The following AUTS2 variants were observed in gnomAD, a reference collection of about 807,000 sequenced individuals.
AUTS2 encodes the protein autism susceptibility gene 2 protein.
Under a neutral mutation model 112.4 loss-of-function variants are expected in AUTS2, and 17 were observed. The ratio of observed to expected loss-of-function variants is 0.15; its 90% CI spans 0.10 to 0.23. The LOEUF (loss-of-function observed/expected upper bound fraction) is 0.23. Among genes scored for constraint, AUTS2 ranks in the 10% least tolerant of loss-of-function variants. AUTS2 has a pLI of 1.00. For synonymous variants in AUTS2, 751 were observed against 702.7 expected (o/e 1.07, Z -1.09); for missense variants, 1,510 against 1,701.6 (o/e 0.89, Z 1.98).
intron 1 of AUTS2, among the ~76,000 whole-genome samples, chr7:69,884,270 T>A (rs1222371714): frequency 6.6e-6 from 1 of 152,208 alleles, no homozygotes; most frequent in African/African-American, 2.4e-5. Flanking sequence ...TCTTAAAAAA[T>A]GAGAGGACAT....
chr7:70,038,240 G>C (rs1379625118), intron 2 of AUTS2, among the ~76,000 whole-genome samples: 1 of 152,032 alleles, frequency 6.6e-6, no homozygotes, highest in Non-Finnish European at 1.5e-5. Flanking sequence ...CAAAGTACCT[G>C]GGAACTTTCT....
At chr7:69,640,127 T>C (rs922096140) in intron 1 of AUTS2, among the ~76,000 whole-genome samples, 2 of 152,036 alleles carry the variant, frequency 1.3e-5, no homozygotes, top group Non-Finnish European at 2.9e-5. Context: ...TAACCAAACA[T>C]GTATTGCTGA....
At chr7:70,712,291 G>A (rs560307677) in intron 6 of AUTS2, among the ~76,000 whole-genome samples, 6 of 121,328 alleles carry the variant, frequency 4.9e-5, no homozygotes, top group Admixed American at 1.1e-4. Context: ...AAAATGAACC[G>A]CCCACCTCAG....
chr7:69,771,760 C>T (rs1011381478), intron 1 of AUTS2, among the ~76,000 whole-genome samples: 2 of 150,278 alleles, frequency 1.3e-5, no homozygotes, highest in African/African-American at 4.9e-5. Flanking sequence ...TCGGTTCAGT[C>T]TCATACCTGC....
intron 5 of AUTS2, among the ~76,000 whole-genome samples, chr7:70,513,208 A>C (rs565289295): frequency 6.6e-6 from 1 of 152,264 alleles, no homozygotes; most frequent in Non-Finnish European, 1.5e-5. Flanking sequence ...GTAACACAAC[A>C]TAGAGGAAAC....
rs186836960 is a variant in AUTS2 at position 70,614,748 on chromosome 7, A to G, written c.691-83821A>G. On this transcript the variant is annotated intron_variant, in intron 5 of 18. Transcript: ENST00000342771. ...CTCTCCTCGGGGAGCACGGCAGCAG[A>G]ACTGAACAAAGTCACTGGTAATCTG... is the stretch of plus-strand genomic sequence containing the variant. 1.1e-3 allele frequency among the ~76,000 whole-genome samples: 170 copies of G among 152,306 alleles called. 1 individual carries two copies. The highest frequency in any genetic ancestry group is 3.6e-3 in the African/African-American group (149 of 41,572).
intron 5 of AUTS2, among the ~76,000 whole-genome samples, chr7:70,533,990 G>A (rs11768800): frequency 0.24 from 36,652 of 152,192 alleles, 4,516 homozygotes; most frequent in Middle Eastern, 0.36. Flanking sequence ...GTAGTGAATG[G>A]CAATGAGTAA....
intron 1 of AUTS2, among the ~76,000 whole-genome samples, chr7:69,683,971 C>T (rs1796939778): frequency 6.6e-6 from 1 of 152,032 alleles, no homozygotes; most frequent in African/African-American, 2.4e-5. Flanking sequence ...TAATGGCGGA[C>T]ATAATGGAAC....
intron 2 of AUTS2, among the ~76,000 whole-genome samples, chr7:69,943,772 A>T (rs1796710690): frequency 6.6e-6 from 1 of 152,204 alleles, no homozygotes; most frequent in Non-Finnish European, 1.5e-5. Context: ...ATAGAAAATA[A>T]TGCAAAGGGA....
chr7:70,097,050 A>G (rs563876454), intron 2 of AUTS2, among the ~76,000 whole-genome samples: 1 of 152,358 alleles, frequency 6.6e-6, no homozygotes, highest in Admixed American at 6.5e-5. Flanking sequence ...ATGCATTTTC[A>G]ATGACACCTT....
chr7:70,088,472 A>G (rs1584702747), intron 2 of AUTS2, among the ~76,000 whole-genome samples: 2 of 141,390 alleles, frequency 1.4e-5, no homozygotes, highest in Admixed American at 1.4e-4. Context: ...TTTCTATTTT[A>G]TTTGGTTTCT....
chr7:69,705,393 A>G (rs1253742639), intron 1 of AUTS2, among the ~76,000 whole-genome samples: 1 of 152,204 alleles, frequency 6.6e-6, no homozygotes, highest in Non-Finnish European at 1.5e-5. Context: ...TAGGCGGTTT[A>G]TAAGTATTAT....
intron 4 of AUTS2, among the ~76,000 whole-genome samples, chr7:70,347,622 G>A (rs965140550): frequency 6.6e-6 from 1 of 152,172 alleles, no homozygotes; most frequent in Non-Finnish European, 1.5e-5. Flanking sequence ...TAGATGCCCT[G>A]CAACAGAGAT....
intron 4 of AUTS2, among the ~76,000 whole-genome samples, chr7:70,232,643 T>C (rs1812117647): frequency 6.6e-6 from 1 of 152,130 alleles, no homozygotes; most frequent in Non-Finnish European, 1.5e-5. Flanking sequence ...CCTCTCAAAG[T>C]GTTGAGGATT....
chr7:70,786,803 G>A (rs934006558), intron 17 of AUTS2: 4 of 312,650 alleles, frequency 1.3e-5, no homozygotes, highest in East Asian at 9.6e-5. Flanking sequence ...AGAGGGCCAC[G>A]GTGGGTAGAG....
chr7:70,128,836 G>A (rs922073984), intron 3 of AUTS2, among the ~76,000 whole-genome samples: 7 of 152,162 alleles, frequency 4.6e-5, no homozygotes, highest in African/African-American at 1.7e-4. Context: ...AGGCTCTAGG[G>A]AAGAATCCTT....
At chr7:70,762,550 G>T (rs1319669174) in intron 6 of AUTS2, among the ~76,000 whole-genome samples, 3 of 152,068 alleles carry the variant, frequency 2.0e-5, no homozygotes, top group African/African-American at 7.2e-5. Flanking sequence ...TTACAGGTGT[G>T]AGCCCCTATG....
intron 5 of AUTS2, among the ~76,000 whole-genome samples, chr7:70,603,579 G>T (rs1253106865): frequency 6.6e-6 from 1 of 152,196 alleles, no homozygotes; most frequent in Non-Finnish European, 1.5e-5. Context: ...GCAGGTGCTT[G>T]AGAGAGGGTC....
intron 4 of AUTS2, among the ~76,000 whole-genome samples, chr7:70,371,217 C>G (rs1053219773): frequency 2.6e-5 from 4 of 152,170 alleles, no homozygotes; most frequent in African/African-American, 9.7e-5. Context: ...CAGGCCCTAT[C>G]CTTGGCCAAC....
Sources: allele counts gnomAD v4.1 joint callset (sites outside exome capture counted in the v4.1 genomes callset), GRCh38; gene constraint gnomAD v4.1.1; transcripts MANE v1.5; gene names NCBI Gene and HGNC (gene_info 2026-07-23, HGNC 2026-07-21).